CALN1: variants seen among roughly 807,000 people sequenced by gnomAD.
CALN1 encodes the protein calcium-binding protein 8.
CALN1 carries 17 observed loss-of-function variants against 30.6 expected under a neutral mutation model. The ratio of observed to expected loss-of-function variants is 0.56; its 90% CI spans 0.38 to 0.83. CALN1 has a LOEUF of 0.83. Ranked by LOEUF, CALN1 falls within the 40% of genes least tolerant of loss-of-function variation. CALN1 has a pLI of 0.00. For missense variants in CALN1, 291 were observed against 354.9 expected, an observed-to-expected ratio of 0.82 and a Z score of 1.45; for synonymous variants, 156 against 131.4, an observed-to-expected ratio of 1.19 and a Z score of -1.28.
intron 5 of CALN1, among the ~76,000 whole-genome samples, chr7:71,846,500 T>G (rs918856356): frequency 5.3e-5 from 8 of 152,002 alleles, no homozygotes; most frequent in Non-Finnish European, 1.5e-5. Flanking sequence ...ACAGAACTAA[T>G]AGGATAAAAA....
chr7:72,226,211 C>A (rs1279512816), intron 3 of CALN1, among the ~76,000 whole-genome samples: 1 of 151,864 alleles, frequency 6.6e-6, no homozygotes, highest in African/African-American at 2.4e-5. Context: ...CAGCATTGCA[C>A]TCCAACCTGG....
chr7:72,338,517 G>GTCTGTC (rs1253163754), intron 2 of CALN1, among the ~76,000 whole-genome samples: 25 of 137,742 alleles, frequency 1.8e-4, no homozygotes, highest in African/African-American at 7.7e-4. Flanking sequence ...GTGTGTGTGT[G>GTCTGTC]TGTGTGTGTG....
intron 2 of CALN1, among the ~76,000 whole-genome samples, chr7:72,319,216 T>TAA (rs753703276): frequency 3.3e-5 from 5 of 152,188 alleles, no homozygotes; most frequent in African/African-American, 1.2e-4. Flanking sequence ...ATGCTGCTGA[T>TAA]AAACACATAC....
chr7:72,262,557 C>G (rs1443774561), intron 3 of CALN1, among the ~76,000 whole-genome samples: 1 of 152,092 alleles, frequency 6.6e-6, no homozygotes, highest in Admixed American at 6.6e-5. Context: ...TATTATGTTC[C>G]CGTGTACCCA....
At chr7:72,014,210 C>A (rs1463218482) in intron 5 of CALN1, among the ~76,000 whole-genome samples, 1 of 151,878 alleles carries the variant, frequency 6.6e-6, no homozygotes, top group Non-Finnish European at 1.5e-5. Flanking sequence ...CCTCAGCCTC[C>A]CAGGTAGCTG....
intron 5 of CALN1, among the ~76,000 whole-genome samples, chr7:72,021,768 T>G (rs1380027849): frequency 6.6e-6 from 1 of 152,182 alleles, no homozygotes; most frequent in Non-Finnish European, 1.5e-5. Context: ...CCAGCTCTCA[T>G]GAATCTCAAT....
chr7:71,910,747 C>T (rs1328284829), intron 5 of CALN1, among the ~76,000 whole-genome samples: 1 of 152,156 alleles, frequency 6.6e-6, no homozygotes, highest in Non-Finnish European at 1.5e-5. Context: ...TGTCCAGTCC[C>T]CCTGAAGCTA....
chr7:72,413,423 C>T (rs924391721), upstream of CALN1, among the ~76,000 whole-genome samples: 11 of 151,996 alleles, frequency 7.2e-5, no homozygotes, highest in Non-Finnish European at 1.2e-4. Flanking sequence ...CTTACACACA[C>T]GTACACTCAC....
intron 3 of CALN1, among the ~76,000 whole-genome samples, chr7:72,266,976 G>A (rs955121944): frequency 1.3e-5 from 2 of 152,286 alleles, no homozygotes; most frequent in South Asian, 4.1e-4. Flanking sequence ...CCAGCTCAGG[G>A]CAGAGCTGTA....
intron 6 of CALN1, among the ~76,000 whole-genome samples, chr7:71,803,584 C>G (rs1787429643): frequency 6.6e-6 from 1 of 152,182 alleles, no homozygotes; most frequent in Non-Finnish European, 1.5e-5. Flanking sequence ...AAGTGATTCT[C>G]CTGCCTCAGC....
intron 5 of CALN1, among the ~76,000 whole-genome samples, chr7:71,877,087 G>A (rs1792290263): frequency 6.6e-6 from 1 of 151,928 alleles, no homozygotes; most frequent in Non-Finnish European, 1.5e-5. Context: ...TCTTGCTACA[G>A]CATAAGAGCA....
chr7:72,194,529 CAAACAAAAACAA>C (rs1005103317), intron 3 of CALN1, among the ~76,000 whole-genome samples: 1 of 150,034 alleles, frequency 6.7e-6, no homozygotes, highest in African/African-American at 2.4e-5. Flanking sequence ...GACCCTGTCT[CAAACAAAAACAA>C]AAACAGAAAC....
At chr7:72,230,961 T>C (rs1300625828) in intron 3 of CALN1, among the ~76,000 whole-genome samples, 1 of 152,102 alleles carries the variant, frequency 6.6e-6, no homozygotes, top group East Asian at 1.9e-4. Context: ...GTGCATGCCA[T>C]TCCAAGGAGC....
rs1183478973 is a variant in CALN1 at position 71,782,591 on chromosome 7, A to G, written c.*5184T>C. ...AATTGAGGACAATCCCGAGTGACTT[A>G]GTCAAAGCAAGTATGAAGTGAAGCT... On this transcript the variant is annotated 3_prime_UTR_variant, in exon 7 of 7. Transcript: ENST00000395275. 2 of 152,214 alleles carry G rather than the reference A, an allele frequency of 1.3e-5. No individual in the cohort carries two copies. The highest frequency in any genetic ancestry group is 2.9e-5 in the Non-Finnish European group (2 of 68,042). The allele number at this position is 152,214 out of a possible 1,614,324, so 9.4% of individuals were successfully genotyped here.
chr7:71,932,139 GA>G (rs1795587542), intron 5 of CALN1, among the ~76,000 whole-genome samples: 1 of 152,116 alleles, frequency 6.6e-6, no homozygotes, highest in African/African-American at 2.4e-5. Flanking sequence ...GTGGTTCTGG[GA>G]AACTAAGACC....
chr7:72,404,038 A>C (rs1033683255), intron 1 of CALN1, among the ~76,000 whole-genome samples: 1 of 152,092 alleles, frequency 6.6e-6, no homozygotes, highest in African/African-American at 2.4e-5. Flanking sequence ...TGGAATCTCT[A>C]GGTCCACTTG....
At chr7:72,009,829 C>T (rs916373416) in intron 5 of CALN1, among the ~76,000 whole-genome samples, 1 of 152,120 alleles carries the variant, frequency 6.6e-6, no homozygotes, top group Non-Finnish European at 1.5e-5. Context: ...GATTGTGAGG[C>T]CTCCCCAGCC....
the CALN1 span, among the ~76,000 whole-genome samples, chr7:72,459,291 C>CA: frequency 6.6e-6 from 1 of 152,194 alleles, no homozygotes; most frequent in African/African-American, 2.4e-5. Context: ...GAAATTCTAA[C>CA]AAAATGTCAA....
chr7:72,055,169 G>A (rs1803172865), intron 4 of CALN1, among the ~76,000 whole-genome samples: 1 of 152,112 alleles, frequency 6.6e-6, no homozygotes, highest in Non-Finnish European at 1.5e-5. Flanking sequence ...ACTATTTCAT[G>A]TCCTAAATCA....
Sources: gnomAD v4.1 joint callset for allele counts (sites outside exome capture counted in the v4.1 genomes callset) on GRCh38, gnomAD v4.1.1 for gene constraint, MANE v1.5 for transcripts, NCBI Gene and HGNC (gene_info 2026-07-23, HGNC 2026-07-21) for gene names.